The following TNFSF4 variants were observed in gnomAD, a reference collection of about 807,000 sequenced individuals.
TNFSF4 encodes the protein TNF superfamily member 4, also known as tumor necrosis factor ligand superfamily member 4.
TNFSF4 carries 4 observed loss-of-function variants against 7.3 expected under a neutral mutation model. The observed-to-expected ratio is 0.55, with a 90% CI of 0.27 to 1.25. The LOEUF (loss-of-function observed/expected upper bound fraction) is 1.25. Among genes scored for constraint, TNFSF4 ranks in the 50% most tolerant of loss-of-function variants. The probability of loss-of-function intolerance (pLI) is 0.12; values close to 1 mark genes in which losing one functional copy is unlikely to be tolerated. For synonymous variants in TNFSF4, 76 were observed against 83.7 expected, an observed-to-expected ratio of 0.91 and a Z score of 0.50; for missense variants, 181 against 208.8, an observed-to-expected ratio of 0.87 and a Z score of 0.82.
the TNFSF4 span, among the ~76,000 whole-genome samples, chr1:173,367,179 T>C: frequency 1.3e-5 from 2 of 152,354 alleles, no homozygotes; most frequent in African/African-American, 2.4e-5. Flanking sequence ...CTAAACTCTT[T>C]GCTACAATTC....
the TNFSF4 span, among the ~76,000 whole-genome samples, chr1:173,405,804 C>CA: frequency 6.6e-6 from 1 of 152,170 alleles, no homozygotes; most frequent in African/African-American, 2.4e-5. Context: ...TTGATAAATC[C>CA]AAATTTCCAG....
the TNFSF4 span, among the ~76,000 whole-genome samples, chr1:173,338,934 G>A: frequency 1.3e-5 from 2 of 152,144 alleles, no homozygotes; most frequent in East Asian, 1.9e-4. Context: ...ACTACTCCAC[G>A]ATGGAGGTAA....
the TNFSF4 span, among the ~76,000 whole-genome samples, chr1:173,342,216 G>A: frequency 6.6e-6 from 1 of 152,076 alleles, no homozygotes; most frequent in Non-Finnish European, 1.5e-5. Flanking sequence ...AGGGTTAATC[G>A]TTAATCTCTC....
the TNFSF4 span, among the ~76,000 whole-genome samples, chr1:173,413,009 C>T: frequency 4.6e-5 from 7 of 152,286 alleles, no homozygotes; most frequent in South Asian, 1.5e-3. Flanking sequence ...GGACGGGGTC[C>T]TATGGCCCAT....
the TNFSF4 span, among the ~76,000 whole-genome samples, chr1:173,257,795 C>T: frequency 7.2e-5 from 11 of 152,080 alleles, no homozygotes; most frequent in South Asian, 2.1e-4. Flanking sequence ...CAAGCTTTGA[C>T]GTCCAGAGTT....
the TNFSF4 span, among the ~76,000 whole-genome samples, chr1:173,403,013 C>T: frequency 6.6e-6 from 1 of 152,120 alleles, no homozygotes; most frequent in Non-Finnish European, 1.5e-5. Context: ...CCACGATACC[C>T]AGCTAATTTT....
chr1:173,392,245 A>T, the TNFSF4 span, among the ~76,000 whole-genome samples: 1 of 152,234 alleles, frequency 6.6e-6, no homozygotes, highest in Non-Finnish European at 1.5e-5. Flanking sequence ...TCATAGAATT[A>T]GTTTAAGTAT....
At chr1:173,315,292 TCTG>T in the TNFSF4 span, among the ~76,000 whole-genome samples, 1 of 152,120 alleles carries the variant, frequency 6.6e-6, no homozygotes, top group South Asian at 2.1e-4. Context: ...TAAAAATCAG[TCTG>T]CTATTTCAAT....
chr1:173,353,494 T>A, the TNFSF4 span, among the ~76,000 whole-genome samples: 1 of 152,210 alleles, frequency 6.6e-6, no homozygotes, highest in African/African-American at 2.4e-5. Flanking sequence ...TAAAATTAAG[T>A]CATGCTGTCA....
the TNFSF4 span, among the ~76,000 whole-genome samples, chr1:173,333,442 G>A: frequency 1.3e-5 from 2 of 152,056 alleles, no homozygotes; most frequent in African/African-American, 4.8e-5. Context: ...ACTGAATGTT[G>A]GTATCCCCCA....
the TNFSF4 span, among the ~76,000 whole-genome samples, chr1:173,241,479 T>C: frequency 6.6e-6 from 1 of 152,186 alleles, no homozygotes; most frequent in African/African-American, 2.4e-5. Context: ...AAAGTAAGCA[T>C]GTGTTCTGAT....
the TNFSF4 span, among the ~76,000 whole-genome samples, chr1:173,415,274 T>C: frequency 2.0e-5 from 3 of 152,142 alleles, no homozygotes; most frequent in Non-Finnish European, 2.9e-5. Flanking sequence ...CCCCAACACA[T>C]AGTTGTGCCT....
chr1:173,385,685 A>G, the TNFSF4 span, among the ~76,000 whole-genome samples: 1 of 152,174 alleles, frequency 6.6e-6, no homozygotes, highest in Non-Finnish European at 1.5e-5. Flanking sequence ...TAAAAATTAC[A>G]AAAATTAGCC....
At chr1:173,277,410 T>C in the TNFSF4 span, among the ~76,000 whole-genome samples, 1 of 152,086 alleles carries the variant, frequency 6.6e-6, no homozygotes, top group Non-Finnish European at 1.5e-5. Context: ...TTCTAACCTA[T>C]TGACCCCAAT....
the TNFSF4 span, among the ~76,000 whole-genome samples, chr1:173,278,127 A>T: frequency 1.2e-4 from 19 of 152,028 alleles, no homozygotes; most frequent in Non-Finnish European, 2.5e-4. Flanking sequence ...CTTTTTTCCC[A>T]GCCTTTTCTG....
intron 1 of TNFSF4, among the ~76,000 whole-genome samples, chr1:173,204,926 C>CACAA (rs2102001837): frequency 2.0e-5 from 3 of 150,858 alleles, no homozygotes; most frequent in African/African-American, 7.3e-5. Context: ...CACACACAAA[C>CACAA]ACACACACAC....
the TNFSF4 span, among the ~76,000 whole-genome samples, chr1:173,434,777 A>G: frequency 0.063 from 9,582 of 152,276 alleles, 1,042 homozygotes; most frequent in African/African-American, 0.22. Context: ...GGTGAATGTA[A>G]CTGTGGATCA....
chr1:173,190,466 G>A (rs1032783921), intron 1 of TNFSF4, among the ~76,000 whole-genome samples: 2 of 152,182 alleles, frequency 1.3e-5, no homozygotes, highest in Non-Finnish European at 2.9e-5. Flanking sequence ...AGGCAGCATA[G>A]GAAGAATGGA....
the TNFSF4 span, among the ~76,000 whole-genome samples, chr1:173,308,285 C>CTCTCTCTCTCTGTGTGTGTG: frequency 5.9e-5 from 8 of 135,058 alleles, no homozygotes; most frequent in African/African-American, 2.3e-4. Context: ...CTCTCTCTCT[C>CTCTCTCTCTCTGTGTGTGTG]TGTGTGTGTG....
Sources: gnomAD v4.1 joint callset for allele counts (sites outside exome capture counted in the v4.1 genomes callset) on GRCh38, gnomAD v4.1.1 for gene constraint, MANE v1.5 for transcripts, NCBI Gene and HGNC (gene_info 2026-07-23, HGNC 2026-07-21) for gene names.